C6orf132: variants seen among roughly 807,000 people sequenced by gnomAD.
C6orf132 encodes the protein chromosome 6 open reading frame 132.
In C6orf132, 43 loss-of-function variants were observed where a neutral mutation model predicts 65.3. The ratio of observed to expected loss-of-function variants is 0.66; its 90% CI spans 0.52 to 0.85. The LOEUF is 0.85. Among genes scored for constraint, C6orf132 ranks in the 40% least tolerant of loss-of-function variants. C6orf132 has a pLI of 0.00. For synonymous variants in C6orf132, 631 were observed against 654.1 expected (o/e 0.96, Z 0.54); for missense variants, 1,488 against 1,548.8 (o/e 0.96, Z 0.66).
chr6:42,140,488 C>T (rs575993605), intron 1 of C6orf132, among the ~76,000 whole-genome samples: 2 of 152,338 alleles, frequency 1.3e-5, no homozygotes, highest in Non-Finnish European at 2.9e-5. Context: ...TCAGCAAACC[C>T]GCTAAGAGTG....
chr6:42,115,289 CAA>C (rs58397911), intron 2 of C6orf132, among the ~76,000 whole-genome samples: 24 of 73,634 alleles, frequency 3.3e-4, no homozygotes, highest in Non-Finnish European at 4.0e-4. Context: ...GACTCCATCT[CAA>C]AAAAAAAAAA....
In C6orf132 at chr6:42,104,332, C is replaced by T; in HGVS notation, c.3449+131G>A. The T allele has an allele frequency of 8.2e-7, 1 of 1,220,346 alleles. No individual in the cohort carries two copies. Among genetic ancestry groups the T allele is most frequent in the Non-Finnish European group, 1.0e-6 (1 of 980,110 alleles). The allele number at this position is 1,220,346 out of a possible 1,614,324, so 75.6% of individuals were successfully genotyped here. On this transcript the variant is annotated intron_variant, in intron 4 of 4. Transcript: ENST00000341865. The surrounding 1 kb of genome is among the most constrained non-coding windows in gnomAD (Gnocchi z 4.1). ...CCTCTCCCGGTAAGTGGGCCTCCCT[C>T]CCGCGTTCTACCTGCAAGGCCGAAG...
chr6:42,111,406 G>A (rs907533326), intron 2 of C6orf132, among the ~76,000 whole-genome samples: 9 of 150,272 alleles, frequency 6.0e-5, no homozygotes, highest in African/African-American at 2.2e-4. Flanking sequence ...TCAGCCTCCC[G>A]AGTAGCTGGG....
At chr6:42,133,610 G>T (rs1196170051) in intron 1 of C6orf132, among the ~76,000 whole-genome samples, 1 of 152,104 alleles carries the variant, frequency 6.6e-6, no homozygotes, top group Non-Finnish European at 1.5e-5. Context: ...ATGGACCACA[G>T]TCCTGTCAAG....
chr6:42,104,576 G>A lies in C6orf132; in HGVS notation c.3336C>T (p.Pro1112=). Reference sequence around the variant, plus strand: ...ACAGCCTCGGCGCGTGCAGGCCTCCGGGGGGCGCGCGACCCGCCGAGTTCA... The same window carrying A: ...ACAGCCTCGGCGCGTGCAGGCCTCCAGGGGGCGCGCGACCCGCCGAGTTCA... The part of the protein sequence containing the change: ...RRVNSAGRAP[P]GGLHAPRLSL... The change falls in exon 4 of 5, where the codon CCC becomes CCT. Residue 1112 remains proline, a synonymous_variant. Transcript: ENST00000341865. The surrounding 1 kb of genome is among the most constrained non-coding windows in gnomAD (Gnocchi z 4.1). The A allele has an allele frequency of 7.6e-7, 1 of 1,320,736 alleles. No homozygotes were observed. Among genetic ancestry groups the A allele is most frequent in the South Asian group, 2.1e-5 (1 of 47,744 alleles). The allele number at this position is 1,320,736 out of a possible 1,614,324, so 81.8% of individuals were successfully genotyped here. A position where few individuals can be genotyped will look rare whatever the true frequency, so the allele number is the denominator to read the frequency against.
intron 2 of C6orf132, among the ~76,000 whole-genome samples, chr6:42,128,089 A>T (rs891660261): frequency 6.9e-6 from 1 of 145,640 alleles, no homozygotes. Flanking sequence ...TACACCGGCT[A>T]TTTTTTTTTT....
intron 2 of C6orf132, chr6:42,126,348 G>A (rs1766764519): frequency 6.6e-6 from 1 of 151,408 alleles, no homozygotes; most frequent in Admixed American, 6.6e-5. Context: ...AAAGTGCTGG[G>A]ATTACAGGCA....
chr6:42,131,540 T>A (rs1387650480), intron 1 of C6orf132, among the ~76,000 whole-genome samples: 1 of 152,162 alleles, frequency 6.6e-6, no homozygotes, highest in Non-Finnish European at 1.5e-5. Flanking sequence ...CTACCATACA[T>A]ACACCCCTAA....
At chr6:42,135,464 A>G (rs1388270824) in intron 1 of C6orf132, among the ~76,000 whole-genome samples, 1 of 152,238 alleles carries the variant, frequency 6.6e-6, no homozygotes, top group Non-Finnish European at 1.5e-5. Context: ...ATGCTGCCAC[A>G]GGACGCCCAG....
chr6:42,109,089 G>T (rs1166592545), intron 3 of C6orf132, among the ~76,000 whole-genome samples: 1 of 152,222 alleles, frequency 6.6e-6, no homozygotes, highest in South Asian at 2.1e-4. Flanking sequence ...TAGAGGATGA[G>T]TGCGATGGGA....
At chr6:42,125,018 T>C (rs547608455) in intron 2 of C6orf132, among the ~76,000 whole-genome samples, 1 of 152,174 alleles carries the variant, frequency 6.6e-6, no homozygotes, top group East Asian at 1.9e-4. Flanking sequence ...TAAGCAAAAC[T>C]AGATGTATGT....
At chr6:42,129,779 C>T (rs143081724) in intron 1 of C6orf132, among the ~76,000 whole-genome samples, 155 of 152,298 alleles carry the variant, frequency 1.0e-3, no homozygotes, top group African/African-American at 3.4e-3. Flanking sequence ...TTCCATTTAA[C>T]GAAGTGTGGA....
intron 3 of C6orf132, among the ~76,000 whole-genome samples, chr6:42,109,601 G>A (rs1476299186): frequency 6.6e-6 from 1 of 152,134 alleles, no homozygotes; most frequent in African/African-American, 2.4e-5. Flanking sequence ...AAATGTGCCT[G>A]GGGTATTTCA....
intron 1 of C6orf132, among the ~76,000 whole-genome samples, chr6:42,132,781 C>T (rs373625716): frequency 9.4e-5 from 14 of 149,400 alleles, no homozygotes; most frequent in East Asian, 7.9e-4. Context: ...CGCTTAAACC[C>T]GGGAAGCAGA....
intron 3 of C6orf132, among the ~76,000 whole-genome samples, chr6:42,109,155 C>T (rs1018352281): frequency 6.6e-6 from 1 of 152,082 alleles, no homozygotes; most frequent in Non-Finnish European, 1.5e-5. Flanking sequence ...GGCAGTCCGG[C>T]CGGGTGCGGT....
At chr6:42,142,232 A>T (rs932836800) in intron 1 of C6orf132, 68 bp downstream of exon 1, 27 of 1,495,636 alleles carry the variant, frequency 1.8e-5, no homozygotes, top group Middle Eastern at 2.4e-4. Context: ...TCCAGGAGAC[A>T]GCACCGCCGG....
chr6:42,142,249 C>T, intron 1 of C6orf132, 51 bp downstream of exon 1: 1 of 1,529,598 alleles, frequency 6.5e-7, no homozygotes, highest in Non-Finnish European at 8.8e-7. Context: ...CCGGCCCTGC[C>T]CCAGCGCCCT....
At chr6:42,123,124 G>A (rs1226175119) in intron 2 of C6orf132, among the ~76,000 whole-genome samples, 5 of 152,180 alleles carry the variant, frequency 3.3e-5, no homozygotes, top group East Asian at 1.9e-4. Flanking sequence ...GCTCACGCCC[G>A]TAATCCCAGA....
chr6:42,117,722 G>A (rs1351068947), intron 2 of C6orf132, among the ~76,000 whole-genome samples: 1 of 151,968 alleles, frequency 6.6e-6, no homozygotes, highest in Non-Finnish European at 1.5e-5. Context: ...AAGAGTTCGA[G>A]ACCAGCCTGA....
Sources: gnomAD v4.1 joint callset for allele counts (sites outside exome capture counted in the v4.1 genomes callset) on GRCh38, gnomAD v4.1.1 for gene constraint, Gnocchi (gnomAD v3.1) non-coding constraint, MANE v1.5 for transcripts, NCBI Gene and HGNC (gene_info 2026-07-23, HGNC 2026-07-21) for gene names.